The following EXOC4 variants were observed in gnomAD, a reference collection of about 807,000 sequenced individuals.
EXOC4 encodes the protein exocyst complex component 4.
A neutral mutation model predicts 107.2 loss-of-function variants in EXOC4; 71 were observed. That is an observed-to-expected ratio of 0.66 (90% confidence interval 0.55 to 0.81). The LOEUF is 0.81. EXOC4 is among the 30% of genes least tolerant of loss of function. The pLI, the probability that EXOC4 is intolerant of heterozygous loss-of-function variation, is 0.00. For synonymous variants in EXOC4, 456 were observed against 441.2 expected, an observed-to-expected ratio of 1.03 and a Z score of -0.42; for missense variants, 1,108 against 1,189.6, an observed-to-expected ratio of 0.93 and a Z score of 1.01.
At chr7:134,073,205 C>CA in the EXOC4 span, among the ~76,000 whole-genome samples, 1,496 of 22,564 alleles carry the variant, frequency 0.066, 406 homozygotes, top group African/African-American at 0.14. Context: ...GACTTCCTCT[C>CA]AAAAAAAAAA....
chr7:133,475,268 T>G, intron 7 of EXOC4, 60 bp from the exon 8 acceptor site: 1 of 1,399,324 alleles, frequency 7.1e-7, no homozygotes, highest in Non-Finnish European at 1.0e-6. Flanking sequence ...AAAATAGTTT[T>G]TCTTAATTGC....
intron 1 of EXOC4, among the ~76,000 whole-genome samples, chr7:133,266,759 T>A (rs1468621607): frequency 6.6e-6 from 1 of 152,270 alleles, no homozygotes; most frequent in Non-Finnish European, 1.5e-5. Context: ...GTAAGATTTG[T>A]GACTTTGTCT....
chr7:134,095,770 G>T, the EXOC4 span, among the ~76,000 whole-genome samples: 1 of 152,116 alleles, frequency 6.6e-6, no homozygotes, highest in African/African-American at 2.4e-5. Flanking sequence ...ATAGCCATAC[G>T]TAGAAAAATG....
At chr7:133,772,998 A>G (rs1031426509) in intron 10 of EXOC4, among the ~76,000 whole-genome samples, 13 of 151,870 alleles carry the variant, frequency 8.6e-5, no homozygotes, top group Non-Finnish European at 1.8e-4. Context: ...TGGGGAAGCC[A>G]CTCCAAAGCC....
intron 14 of EXOC4, among the ~76,000 whole-genome samples, chr7:133,962,555 G>C (rs1228494227): frequency 6.6e-6 from 1 of 152,128 alleles, no homozygotes; most frequent in African/African-American, 2.4e-5. Context: ...AGCCTCTGTG[G>C]AGATGTACCC....
At chr7:133,929,534 G>A (rs1016622707) in intron 13 of EXOC4, among the ~76,000 whole-genome samples, 3 of 151,850 alleles carry the variant, frequency 2.0e-5, no homozygotes, top group African/African-American at 4.8e-5. Context: ...TTTACACAAA[G>A]CATTTACTCT....
intron 10 of EXOC4, among the ~76,000 whole-genome samples, chr7:133,737,303 C>T (rs909888322): frequency 2.0e-5 from 3 of 152,116 alleles, no homozygotes; most frequent in Non-Finnish European, 4.4e-5. Flanking sequence ...TAATAGTTCT[C>T]TGCCAGCATT....
chr7:133,522,729 T>C (rs1800003838), intron 9 of EXOC4, among the ~76,000 whole-genome samples: 1 of 152,104 alleles, frequency 6.6e-6, no homozygotes, highest in South Asian at 2.1e-4. Flanking sequence ...GGGTTTTTTT[T>C]CCCTCCAGTT....
chr7:134,066,795 A>G (rs1307748527), downstream of EXOC4, among the ~76,000 whole-genome samples: 3 of 152,140 alleles, frequency 2.0e-5, no homozygotes, highest in African/African-American at 7.2e-5. Context: ...CCCACGAAAC[A>G]CATACACAGT....
chr7:134,098,140 CAT>C, the EXOC4 span, among the ~76,000 whole-genome samples: 46 of 152,322 alleles, frequency 3.0e-4, no homozygotes, highest in African/African-American at 1.0e-3. Context: ...TAATTCCAAA[CAT>C]ATTCTTCAGG....
At chr7:133,369,886 C>T (rs1796331718) in intron 6 of EXOC4, among the ~76,000 whole-genome samples, 1 of 135,810 alleles carries the variant, frequency 7.4e-6, no homozygotes, top group African/African-American at 2.9e-5. Flanking sequence ...GCTCACCCAA[C>T]CTTTGCCTGC....
chr7:133,736,353 T>C (rs1795445031), intron 10 of EXOC4, among the ~76,000 whole-genome samples: 1 of 152,180 alleles, frequency 6.6e-6, no homozygotes, highest in South Asian at 2.1e-4. Flanking sequence ...GGTTGGAATA[T>C]AATCATCTGG....
At chr7:133,614,325 GT>G (rs1237744779) in intron 9 of EXOC4, among the ~76,000 whole-genome samples, 1 of 152,066 alleles carries the variant, frequency 6.6e-6, no homozygotes, top group African/African-American at 2.4e-5. Flanking sequence ...CCAGTCTTTT[GT>G]TTGTACAGTA....
intron 3 of EXOC4, among the ~76,000 whole-genome samples, chr7:133,292,739 G>A (rs1430225095): frequency 6.6e-6 from 1 of 152,106 alleles, no homozygotes; most frequent in Non-Finnish European, 1.5e-5. Context: ...TTGTTTGTGT[G>A]GTAGGTCATT....
At chr7:133,823,845 A>ATATATATATATATATATATATAT (rs1797592043) in intron 11 of EXOC4, among the ~76,000 whole-genome samples, 2 of 1,584 alleles carry the variant, frequency 1.3e-3, no homozygotes, top group Admixed American at 7.8e-3. Flanking sequence ...TATATATATT[A>ATATATATATATATATATATATAT]TATATATATA....
At chr7:134,028,942 C>A (rs1465010340) in intron 17 of EXOC4, among the ~76,000 whole-genome samples, 1 of 152,238 alleles carries the variant, frequency 6.6e-6, no homozygotes, top group Non-Finnish European at 1.5e-5. Context: ...ACTGGCAGAT[C>A]TAGCAAAGAG....
chr7:133,634,470 GT>G (rs112607497), intron 10 of EXOC4, among the ~76,000 whole-genome samples: 21 of 148,780 alleles, frequency 1.4e-4, no homozygotes, highest in Admixed American at 3.4e-4. Context: ...TTTAATGATA[GT>G]TTTTTTTTTG....
At chr7:133,559,814 T>G (rs1194867713) in intron 9 of EXOC4, among the ~76,000 whole-genome samples, 1 of 152,220 alleles carries the variant, frequency 6.6e-6, no homozygotes, top group Non-Finnish European at 1.5e-5. Flanking sequence ...GAGTGTTTCA[T>G]CTACTCAGAA....
At chr7:133,390,005 G>C in intron 7 of EXOC4, among the ~76,000 whole-genome samples, 1 of 152,078 alleles carries the variant, frequency 6.6e-6, no homozygotes, top group Non-Finnish European at 1.5e-5. Context: ...CTGCTCCTAT[G>C]ATTCAGTCAC....
Sources: gnomAD v4.1 joint callset for allele counts (sites outside exome capture counted in the v4.1 genomes callset) on GRCh38, gnomAD v4.1.1 for gene constraint, MANE v1.5 for transcripts, NCBI Gene and HGNC (gene_info 2026-07-23, HGNC 2026-07-21) for gene names.